Variants in PEX5L observed in about 807,000 individuals in gnomAD.
PEX5L encodes the protein PEX5-related protein.
Under a neutral mutation model 84.0 loss-of-function variants are expected in PEX5L, and 30 were observed. That is an observed-to-expected ratio of 0.36 (90% CI 0.27 to 0.48). PEX5L has a LOEUF of 0.48. Ranked by LOEUF, PEX5L falls within the 20% of genes least tolerant of loss-of-function variation. PEX5L has a pLI of 0.99. For missense variants in PEX5L, 533 were observed against 754.6 expected (o/e 0.71, Z 3.44); for synonymous variants, 270 against 283.1 (o/e 0.95, Z 0.46).
At chr3:179,840,371 T>C (rs1283879154) in intron 8 of PEX5L, among the ~76,000 whole-genome samples, 1 of 151,842 alleles carries the variant, frequency 6.6e-6, no homozygotes, top group Admixed American at 6.6e-5. Flanking sequence ...GTGTTTTCAG[T>C]AGAGACAGGG....
chr3:180,029,409 GTATT>G (rs1362518654), intron 1 of PEX5L, among the ~76,000 whole-genome samples: 2 of 151,980 alleles, frequency 1.3e-5, no homozygotes, highest in Non-Finnish European at 2.9e-5. Context: ...ATAAAACTAT[GTATT>G]TATTTATTTG....
chr3:179,839,798 A>G (rs1213590458), intron 8 of PEX5L, among the ~76,000 whole-genome samples: 1 of 152,236 alleles, frequency 6.6e-6, no homozygotes, highest in Non-Finnish European at 1.5e-5. Context: ...AATGAATAAT[A>G]TAATTTCACA....
intron 1 of PEX5L, among the ~76,000 whole-genome samples, chr3:180,010,544 A>G (rs1424310226): frequency 2.6e-5 from 4 of 152,060 alleles, no homozygotes; most frequent in African/African-American, 9.7e-5. Flanking sequence ...TACCACTGAG[A>G]AAATGTAACA....
chr3:179,884,195 C>T (rs966992141), intron 4 of PEX5L, among the ~76,000 whole-genome samples: 2 of 152,178 alleles, frequency 1.3e-5, no homozygotes, highest in Non-Finnish European at 2.9e-5. Flanking sequence ...ACATTCTAAT[C>T]CCCAGAACCT....
rs1577201756 is a variant in PEX5L, at chr3:179,815,061, A to G, written c.1083+800T>C. 2.6e-5 allele frequency among the ~76,000 whole-genome samples: 4 copies of G among 152,322 alleles called. No homozygotes were observed. The South Asian group carries it at 8.3e-4, about 32-fold the overall frequency. Reference sequence around the variant, plus strand: ...TGCACACTCTGACATTGCATTTATTACACTACATTGATGTTTTTACTTGTT... The same window carrying G: ...TGCACACTCTGACATTGCATTTATTGCACTACATTGATGTTTTTACTTGTT... On this transcript the variant is annotated intron_variant, in intron 10 of 14. Transcript: ENST00000467460.
At chr3:179,996,762 TG>T (rs1787925580) in intron 1 of PEX5L, among the ~76,000 whole-genome samples, 2 of 152,256 alleles carry the variant, frequency 1.3e-5, no homozygotes, top group South Asian at 4.1e-4. Context: ...GATTGCAAGG[TG>T]GCAGGAGCCA....
intron 2 of PEX5L, among the ~76,000 whole-genome samples, chr3:179,927,475 G>A (rs973244602): frequency 2.0e-5 from 3 of 152,186 alleles, no homozygotes; most frequent in Non-Finnish European, 4.4e-5. Context: ...CACTCAGAGA[G>A]TGGTATGTGG....
chr3:179,877,817 A>G (rs1752918758), intron 5 of PEX5L, among the ~76,000 whole-genome samples: 1 of 151,624 alleles, frequency 6.6e-6, no homozygotes, highest in African/African-American at 2.4e-5. Flanking sequence ...TGTACAACTG[A>G]ATAAACCTAG....
rs149624237 is a variant in PEX5L at position 179,941,592 on chromosome 3, T to C, written c.93+30002A>G. Among the ~76,000 whole-genome samples, 29 of 152,288 alleles carry C rather than the reference T, an allele frequency of 1.9e-4. No individual in the cohort carries two copies. The East Asian group carries it at 4.0e-3, about 21-fold the overall frequency. On this transcript the variant is annotated intron_variant, in intron 2 of 14. Transcript: ENST00000467460. ...AGTCAATAAATAGCATAGTGTGAATTTGAACGCCAGTCTGTGCGATGCCAA... is the reference window on the plus strand; with the variant it reads ...AGTCAATAAATAGCATAGTGTGAATCTGAACGCCAGTCTGTGCGATGCCAA...
intron 7 of PEX5L, among the ~76,000 whole-genome samples, chr3:179,866,319 T>C (rs1311162088): frequency 6.6e-6 from 1 of 152,198 alleles, no homozygotes; most frequent in Non-Finnish European, 1.5e-5. Context: ...ATATAACAAC[T>C]AGCAGACCTT....
intron 1 of PEX5L, among the ~76,000 whole-genome samples, chr3:179,978,018 T>C (rs1485651279): frequency 6.6e-6 from 1 of 152,208 alleles, no homozygotes; most frequent in Non-Finnish European, 1.5e-5. Context: ...AAAAGAAATA[T>C]AAGGACAACA....
chr3:180,012,075 C>T (rs181868633), intron 1 of PEX5L, among the ~76,000 whole-genome samples: 3 of 152,292 alleles, frequency 2.0e-5, no homozygotes, highest in South Asian at 2.1e-4. Flanking sequence ...AGAAGGGAAA[C>T]GTGTGGCCTA....
At chr3:179,839,589 A>G (rs1027143823) in intron 8 of PEX5L, among the ~76,000 whole-genome samples, 3 of 152,196 alleles carry the variant, frequency 2.0e-5, no homozygotes, top group African/African-American at 7.2e-5. Flanking sequence ...GGGTCCATTC[A>G]CAGAAGGTTG....
intron 1 of PEX5L, among the ~76,000 whole-genome samples, chr3:180,011,608 T>C (rs1433146112): frequency 2.0e-5 from 3 of 152,188 alleles, no homozygotes; most frequent in Non-Finnish European, 4.4e-5. Context: ...TAGTAGGTCT[T>C]TGTGATAATT....
At chr3:179,904,151 A>G (rs1263715673) in intron 2 of PEX5L, among the ~76,000 whole-genome samples, 1 of 152,228 alleles carries the variant, frequency 6.6e-6, no homozygotes, top group Non-Finnish European at 1.5e-5. Flanking sequence ...CAGGGTATTG[A>G]AAAGAAAGAT....
Position 179,808,446 on chromosome 3 carries a change from G to GAA in PEX5L, c.1353-11_1353-10dup. 2.6e-5 allele frequency: 36 copies of GAA among 1,358,640 alleles called. No homozygotes were observed. Among genetic ancestry groups the GAA allele is most frequent in the South Asian group, 7.2e-5 (4 of 55,660 alleles). 84.2% of individuals were successfully genotyped at this position (1,358,640 alleles called of 1,614,324 possible). Reference sequence around the variant, plus strand: ...CCCCTTCCAGAACAGAGCTACAAGAGAAAAAAAAAATTAGATTTGTAATCC... The same window carrying GAA: ...CCCCTTCCAGAACAGAGCTACAAGAGAAAAAAAAAAAATTAGATTTGTAATCC... On this transcript the variant is annotated splice_polypyrimidine_tract_variant and intron_variant, in intron 12 of 14. Transcript: ENST00000467460.
intron 1 of PEX5L, among the ~76,000 whole-genome samples, chr3:180,027,466 C>T (rs539202929): frequency 6.6e-6 from 1 of 152,302 alleles, no homozygotes; most frequent in Admixed American, 6.5e-5. Flanking sequence ...TTATCATTAT[C>T]TTTCATTCCT....
At chr3:179,898,272 T>C in intron 2 of PEX5L, 26 bp from the exon 3 acceptor site, 1 of 1,467,698 alleles carries the variant, frequency 6.8e-7, no homozygotes, top group South Asian at 1.1e-5. Context: ...CAACAATGAC[T>C]GTGTCAGGAG....
rs747674196 is a variant in PEX5L, at chr3:179,795,815, TGTC to T, written c.*6010_*6012del. 6.6e-6 allele frequency: 1 copy of T among 152,190 alleles called. No homozygotes were observed. Among genetic ancestry groups the T allele is most frequent in the Non-Finnish European group, 1.5e-5 (1 of 68,028 alleles). 9.4% of individuals were successfully genotyped at this position (152,190 alleles called of 1,614,324 possible). A position where few individuals can be genotyped will look rare whatever the true frequency, so the allele number is the denominator to read the frequency against. ...CATAGATATATAAAATATGTAGAAA[TGTC>T]TTTTCTAAATAGTTAAATGTTTGTT... On this transcript the variant is annotated 3_prime_UTR_variant, in exon 15 of 15. Coordinates refer to ENST00000467460, the MANE Select transcript of PEX5L (RefSeq NM_016559.3).
Sources: allele counts gnomAD v4.1 joint callset (sites outside exome capture counted in the v4.1 genomes callset), GRCh38; gene constraint gnomAD v4.1.1; transcripts MANE v1.5; gene names NCBI Gene and HGNC (gene_info 2026-07-23, HGNC 2026-07-21).